Variants in CRPPA observed in about 807,000 individuals in gnomAD.
CRPPA encodes D-ribitol-5-phosphate cytidylyltransferase.
A neutral mutation model predicts 52.0 loss-of-function variants in CRPPA; 43 were observed. That is an observed-to-expected ratio of 0.83 (90% CI 0.65 to 1.07). The LOEUF is 1.07. Ranked by LOEUF, CRPPA falls within the 50% of genes least tolerant of loss-of-function variation. CRPPA has a pLI of 0.00. For synonymous variants in CRPPA, 250 were observed against 203.5 expected (o/e 1.23, Z -1.94); for missense variants, 629 against 551.7 (o/e 1.14, Z -1.40).
At chr7:16,093,313 C>A (rs1344106779) in intron 9 of CRPPA, among the ~76,000 whole-genome samples, 1 of 152,106 alleles carries the variant, frequency 6.6e-6, no homozygotes, top group African/African-American at 2.4e-5. Context: ...GTTGTTGACA[C>A]GGACTGCAAT....
intron 3 of CRPPA, among the ~76,000 whole-genome samples, chr7:16,326,553 A>G (rs541129866): frequency 2.6e-5 from 4 of 152,352 alleles, no homozygotes; most frequent in Middle Eastern, 3.4e-3. Context: ...TGGGACCACA[A>G]CAAAAACTGA....
chr7:16,341,391 A>G (rs984112456), intron 3 of CRPPA, among the ~76,000 whole-genome samples: 18 of 152,144 alleles, frequency 1.2e-4, no homozygotes, highest in African/African-American at 4.3e-4. Flanking sequence ...TACCTCCTCC[A>G]TCTTGCTGTA....
rs1463844452 is a variant in CRPPA, at chr7:16,355,855, C to T, written c.684+20237G>A. Among the ~76,000 whole-genome samples, 4 of 152,160 alleles carry T rather than the reference C, an allele frequency of 2.6e-5. No individual in the cohort carries two copies. The East Asian group carries it at 7.7e-4, about 29-fold the overall frequency. ...GCACAGTGACTTGAGTAGGCATCTG[C>T]TGATGGTTCTCATTCATTATTACAG... On this transcript the variant is annotated intron_variant, in intron 3 of 9. Transcript: ENST00000407010.
chr7:16,253,508 G>C (rs1455461430), intron 8 of CRPPA, among the ~76,000 whole-genome samples: 3 of 152,156 alleles, frequency 2.0e-5, no homozygotes, highest in African/African-American at 7.2e-5. Flanking sequence ...ATTTGCTGAG[G>C]AGTACTTTAC....
In CRPPA at chr7:16,091,660, A is replaced by T; in HGVS notation, c.*35T>A. 1 of 1,176,190 alleles carries T rather than the reference A, an allele frequency of 8.5e-7. No individual in the cohort carries two copies. The highest frequency in any genetic ancestry group is 2.6e-5 in the East Asian group (1 of 38,974). The allele number at this position is 1,176,190 out of a possible 1,614,324, so 72.9% of individuals were successfully genotyped here. On this transcript the variant is annotated 3_prime_UTR_variant, in exon 10 of 10. Transcript: ENST00000407010. ...CAAAGCACAATTAAGATACGCAAAT[A>T]GATGTTTTAGAAAATAGGTAATTTT... is the stretch of plus-strand genomic sequence containing the variant.
At position 16,103,037 on chromosome 7, in the gene CRPPA, A is replaced by G. The variant is rs567236630; in HGVS notation, c.1252-11238T>C. ...TTATTGTAGCACTGTTCACAATAGGAAAGACTTGGAACCAACCCAGATGCC... is the reference window on the plus strand; with the variant it reads ...TTATTGTAGCACTGTTCACAATAGGGAAGACTTGGAACCAACCCAGATGCC... On this transcript the variant is annotated intron_variant, in intron 9 of 9. Transcript: ENST00000407010. Among the ~76,000 whole-genome samples the G allele has an allele frequency of 2.6e-5, 4 of 152,298 alleles. No individual in the cohort carries two copies. The East Asian group carries it at 7.7e-4, about 29-fold the overall frequency.
At chr7:16,124,685 A>AT (rs1782541930) in intron 9 of CRPPA, among the ~76,000 whole-genome samples, 2 of 152,130 alleles carry the variant, frequency 1.3e-5, no homozygotes, top group Non-Finnish European at 1.5e-5. Context: ...TCTATTGTAT[A>AT]TTTTCAAATA....
intron 9 of CRPPA, among the ~76,000 whole-genome samples, chr7:16,198,486 CCT>C (rs1217007820): frequency 8.6e-6 from 1 of 116,156 alleles, no homozygotes. Flanking sequence ...GACACATCCC[CCT>C]CTTTGAGAAA....
chr7:16,180,241 C>G (rs1439645039), intron 9 of CRPPA, among the ~76,000 whole-genome samples: 2 of 152,088 alleles, frequency 1.3e-5, no homozygotes, highest in East Asian at 3.9e-4. Context: ...TGGTGGGACC[C>G]AGGCATCAGT....
intron 6 of CRPPA, among the ~76,000 whole-genome samples, chr7:16,260,971 C>T (rs1783778939): frequency 6.6e-6 from 1 of 151,888 alleles, no homozygotes; most frequent in Non-Finnish European, 1.5e-5. Flanking sequence ...AGTGTATGTT[C>T]TTAAAATGAA....
chr7:16,119,775 C>T (rs868297522), intron 9 of CRPPA, among the ~76,000 whole-genome samples: 10 of 152,124 alleles, frequency 6.6e-5, no homozygotes, highest in Non-Finnish European at 1.0e-4. Flanking sequence ...CACCAGAGGC[C>T]GGTTTTGGAT....
At chr7:16,390,870 T>C (rs1787420881) in intron 2 of CRPPA, among the ~76,000 whole-genome samples, 1 of 152,200 alleles carries the variant, frequency 6.6e-6, no homozygotes, top group Non-Finnish European at 1.5e-5. Context: ...AATTAACTAA[T>C]GCTCAGCTCC....
chr7:16,168,821 A>T (rs1041562671), intron 9 of CRPPA, among the ~76,000 whole-genome samples: 2 of 152,298 alleles, frequency 1.3e-5, no homozygotes, highest in Non-Finnish European at 2.9e-5. Context: ...ATATGGCTTT[A>T]TTTACACAAG....
At chr7:16,164,027 C>T (rs961995669) in intron 9 of CRPPA, among the ~76,000 whole-genome samples, 4 of 152,036 alleles carry the variant, frequency 2.6e-5, no homozygotes, top group Admixed American at 6.6e-5. Context: ...TGGTGTTCTC[C>T]GTATTTCCTG....
chr7:16,216,823 C>T (rs373077724), intron 8 of CRPPA, among the ~76,000 whole-genome samples: 2 of 151,034 alleles, frequency 1.3e-5, no homozygotes, highest in Non-Finnish European at 3.0e-5. Flanking sequence ...GCTAGCACAG[C>T]AGTCTGAGAT....
intron 9 of CRPPA, among the ~76,000 whole-genome samples, chr7:16,212,522 A>G (rs1034314170): frequency 2.0e-5 from 3 of 152,192 alleles, no homozygotes; most frequent in African/African-American, 7.2e-5. Context: ...AACTCTACTA[A>G]AATATACACA....
At chr7:16,418,556 G>A (rs1788248933) in intron 1 of CRPPA, among the ~76,000 whole-genome samples, 1 of 152,158 alleles carries the variant, frequency 6.6e-6, no homozygotes, top group Non-Finnish European at 1.5e-5. Context: ...ATGGTGGAAG[G>A]TGAAGGGAAA....
intron 2 of CRPPA, among the ~76,000 whole-genome samples, chr7:16,405,706 G>A (rs185864744): frequency 2.6e-4 from 39 of 152,212 alleles, no homozygotes; most frequent in Middle Eastern, 3.4e-3. Context: ...ACACAAAATT[G>A]AGTACAATGG....
intron 3 of CRPPA, among the ~76,000 whole-genome samples, chr7:16,326,623 T>C (rs879362574): frequency 6.6e-6 from 1 of 152,220 alleles, no homozygotes; most frequent in Non-Finnish European, 1.5e-5. Context: ...AAAAATTCTG[T>C]GTATATTATG....
Sources: gnomAD v4.1 joint callset for allele counts (sites outside exome capture counted in the v4.1 genomes callset) on GRCh38, gnomAD v4.1.1 for gene constraint, MANE v1.5 for transcripts, NCBI Gene and HGNC (gene_info 2026-07-23, HGNC 2026-07-21) for gene names.